Variants in AK5 observed in about 807,000 individuals in gnomAD.
AK5 encodes the protein adenylate kinase 5, also known as adenylate kinase isoenzyme 5.
Under a neutral mutation model 69.5 loss-of-function variants are expected in AK5, and 27 were observed. The observed-to-expected ratio is 0.39, with a 90% CI of 0.29 to 0.54. The LOEUF (loss-of-function observed/expected upper bound fraction) is 0.54. Ranked by LOEUF, AK5 falls within the 20% of genes least tolerant of loss-of-function variation. AK5 has a pLI of 0.71. For missense variants in AK5, 531 were observed against 700.4 expected (o/e 0.76, Z 2.73); for synonymous variants, 260 against 244.4 (o/e 1.06, Z -0.60).
At chr1:77,307,012 T>C (rs2100278303) in intron 5 of AK5, among the ~76,000 whole-genome samples, 1 of 152,208 alleles carries the variant, frequency 6.6e-6, no homozygotes, top group Admixed American at 6.5e-5. Flanking sequence ...GCTGCAAATA[T>C]TTTCTTTGTC....
intron 10 of AK5, among the ~76,000 whole-genome samples, chr1:77,495,065 A>G (rs1053137505): frequency 2.0e-5 from 3 of 152,088 alleles, no homozygotes; most frequent in African/African-American, 7.2e-5. Flanking sequence ...TACAGGTGTG[A>G]GCCACCGCAC....
At chr1:77,284,820 G>A (rs2100636209) in intron 1 of AK5, among the ~76,000 whole-genome samples, 1 of 152,306 alleles carries the variant, frequency 6.6e-6, no homozygotes, top group East Asian at 1.9e-4. Flanking sequence ...TATCCGTGAA[G>A]GAATGGAGCT....
At chr1:77,325,066 T>G (rs1370907440) in intron 5 of AK5, among the ~76,000 whole-genome samples, 1 of 151,114 alleles carries the variant, frequency 6.6e-6, no homozygotes, top group East Asian at 1.9e-4. Context: ...CAACCTCTGC[T>G]TCCTGGGTTC....
chr1:77,530,894 T>A (rs1413362171), intron 12 of AK5, among the ~76,000 whole-genome samples: 1 of 151,850 alleles, frequency 6.6e-6, no homozygotes, highest in Non-Finnish European at 1.5e-5. Flanking sequence ...AGGGCAAACT[T>A]CTCCTCCCGC....
chr1:77,402,638 T>C (rs1649308859), intron 6 of AK5, among the ~76,000 whole-genome samples: 1 of 152,112 alleles, frequency 6.6e-6, no homozygotes, highest in Non-Finnish European at 1.5e-5. Flanking sequence ...TCATTTTTTA[T>C]GGCTGCATAG....
chr1:77,448,898 C>A (rs1359366739), intron 8 of AK5, among the ~76,000 whole-genome samples: 1 of 152,176 alleles, frequency 6.6e-6, no homozygotes, highest in Non-Finnish European at 1.5e-5. Context: ...TATGCCTGGT[C>A]CAGCCACAGC....
chr1:77,309,527 A>G (rs1659825849), intron 5 of AK5, among the ~76,000 whole-genome samples: 2 of 152,150 alleles, frequency 1.3e-5, no homozygotes, highest in Non-Finnish European at 2.9e-5. Context: ...GTGTTGATAC[A>G]TATAGACCTA....
At chr1:77,334,720 G>A (rs534865802) in intron 5 of AK5, among the ~76,000 whole-genome samples, 1 of 152,164 alleles carries the variant, frequency 6.6e-6, no homozygotes, top group East Asian at 1.9e-4. Flanking sequence ...AACACAATAA[G>A]AGTTTGAGAG....
intron 6 of AK5, among the ~76,000 whole-genome samples, chr1:77,369,200 G>A (rs1647074406): frequency 6.6e-6 from 1 of 152,080 alleles, no homozygotes; most frequent in African/African-American, 2.4e-5. Context: ...CAAGTTCAGG[G>A]AGGCTAAATA....
At chr1:77,291,182 A>G (rs1444796789) in intron 2 of AK5, among the ~76,000 whole-genome samples, 1 of 152,248 alleles carries the variant, frequency 6.6e-6, no homozygotes, top group Non-Finnish European at 1.5e-5. Flanking sequence ...AAGAGAGAGC[A>G]GAAAGATACT....
intron 12 of AK5, among the ~76,000 whole-genome samples, chr1:77,527,777 T>C (rs767670523): frequency 1.4e-4 from 21 of 152,188 alleles, no homozygotes; most frequent in Non-Finnish European, 2.1e-4. Context: ...CCTGACCAGA[T>C]GGCCGGGCAC....
Position 77,391,054 on chromosome 1 carries a change from T to A in AK5, c.892-19927T>A, listed in dbSNP as rs75550004. On this transcript the variant is annotated intron_variant, in intron 6 of 13. Transcript: ENST00000354567. ...TTAGATCTCCTGGCAGCAGACCCTC[T>A]GACAAGGTCTGTTGAGGGAGTTCTC... is the stretch of plus-strand genomic sequence containing the variant. 3.3e-3 allele frequency among the ~76,000 whole-genome samples: 506 copies of A among 152,308 alleles called. 7 individuals carry two copies. The highest frequency in any genetic ancestry group is 0.012 in the African/African-American group (480 of 41,568).
At chr1:77,457,337 C>A (rs1653557241) in intron 8 of AK5, among the ~76,000 whole-genome samples, 1 of 152,152 alleles carries the variant, frequency 6.6e-6, no homozygotes, top group African/African-American at 2.4e-5. Flanking sequence ...ATTCTTTGCT[C>A]ATTTTCTACC....
At chr1:77,367,156 A>G (rs1189507178) in intron 6 of AK5, among the ~76,000 whole-genome samples, 3 of 151,954 alleles carry the variant, frequency 2.0e-5, no homozygotes, top group African/African-American at 4.8e-5. Flanking sequence ...AAGGATTAAT[A>G]TAGTATATGG....
intron 5 of AK5, among the ~76,000 whole-genome samples, chr1:77,331,794 A>G (rs1174521342): frequency 4.6e-5 from 7 of 152,118 alleles, no homozygotes; most frequent in Non-Finnish European, 8.8e-5. Context: ...TTTCTAGTAC[A>G]TTTCACCAGT....
At chr1:77,365,621 C>T (rs1646936794) in intron 6 of AK5, among the ~76,000 whole-genome samples, 2 of 152,188 alleles carry the variant, frequency 1.3e-5, no homozygotes, top group South Asian at 2.1e-4. Context: ...AGCACACAAC[C>T]TAGATCCCTT....
At chr1:77,304,618 T>A (rs945934085) in intron 5 of AK5, among the ~76,000 whole-genome samples, 1 of 152,166 alleles carries the variant, frequency 6.6e-6, no homozygotes, top group Admixed American at 6.5e-5. Flanking sequence ...TTGGTCAGGC[T>A]GGTCTCGAAC....
chr1:77,558,769 C>A lies in AK5; in HGVS notation c.*99C>A. On this transcript the variant is annotated 3_prime_UTR_variant, in exon 14 of 14. Transcript: ENST00000354567. ...AGTTAAACCTTTTGTGTCACCGCCC[C>A]CACCAACCACCACCTCCTAAATCCT... 1.3e-6 allele frequency: 1 copy of A among 763,570 alleles called. No individual in the cohort carries two copies. The highest frequency in any genetic ancestry group is 2.3e-6 in the Non-Finnish European group (1 of 437,284). 47.3% of individuals were successfully genotyped at this position (763,570 alleles called of 1,614,324 possible).
intron 1 of AK5, 30 bp downstream of exon 1, chr1:77,282,403 G>A: frequency 6.5e-7 from 1 of 1,534,552 alleles, no homozygotes; most frequent in Non-Finnish European, 8.8e-7. Context: ...ACGGGCGGTA[G>A]CATCCGGGGA....
Sources: gnomAD v4.1 joint callset for allele counts (sites outside exome capture counted in the v4.1 genomes callset) on GRCh38, gnomAD v4.1.1 for gene constraint, MANE v1.5 for transcripts, NCBI Gene and HGNC (gene_info 2026-07-23, HGNC 2026-07-21) for gene names.